The following BBOX1 variants were observed in gnomAD, a reference collection of about 807,000 sequenced individuals.
The protein encoded by BBOX1 is gamma-butyrobetaine dioxygenase.
In BBOX1, 35 loss-of-function variants were observed where a neutral mutation model predicts 41.6. The observed-to-expected ratio is 0.84, with a 90% CI of 0.64 to 1.11. The LOEUF (loss-of-function observed/expected upper bound fraction) is 1.11. Among genes scored for constraint, BBOX1 ranks in the 50% most tolerant of loss-of-function variants. The pLI, the probability that BBOX1 is intolerant of heterozygous loss-of-function variation, is 0.00. For synonymous variants in BBOX1, 163 were observed against 154.7 expected, an observed-to-expected ratio of 1.05 and a Z score of -0.40; for missense variants, 458 against 460.6, an observed-to-expected ratio of 0.99 and a Z score of 0.05.
chr11:27,125,540 A>G (rs984275037), intron 7 of BBOX1, 114 bp from the exon 8 acceptor site: 16 of 896,072 alleles, frequency 1.8e-5, no homozygotes, highest in East Asian at 2.7e-5. Flanking sequence ...CTGTACATGT[A>G]TTTGGATTTT....
intron 4 of BBOX1, among the ~76,000 whole-genome samples, chr11:27,089,452 T>C (rs888735254): frequency 1.3e-5 from 2 of 152,018 alleles, no homozygotes; most frequent in African/African-American, 2.4e-5. Flanking sequence ...ACAGCTGTAG[T>C]AAAGGCAACA....
intron 3 of BBOX1, among the ~76,000 whole-genome samples, chr11:27,056,114 A>G (rs1383102361): frequency 6.6e-6 from 1 of 152,192 alleles, no homozygotes; most frequent in Non-Finnish European, 1.5e-5. Flanking sequence ...TCTCACCTGA[A>G]AAAAATGAGA....
chr11:27,119,825 AT>A lies in BBOX1; in HGVS notation c.817del (p.Ser273GlnfsTer6). 6.5e-7 allele frequency: 1 copy of A among 1,528,092 alleles called. No homozygotes were observed. The highest frequency in any genetic ancestry group is 8.8e-7 in the Non-Finnish European group (1 of 1,138,884). 94.7% of individuals were successfully genotyped at this position (1,528,092 alleles called of 1,614,324 possible). A position where few individuals can be genotyped will look rare whatever the true frequency, so the allele number is the denominator to read the frequency against. On this transcript the variant is annotated frameshift_variant, in exon 7 of 9. Coordinates refer to ENST00000263182, the MANE Select transcript of BBOX1 (RefSeq NM_003986.3). LOFTEE classifies it high-confidence loss of function. ...TGGATTACTGTGATTTTTCTGTACA[AT>A]CAAAACATAAAATTATAGAGTAAGT... is the stretch of plus-strand genomic sequence containing the variant. ...GVDYCDFSVQ[S>X]KHKIIELDDK...
intron 5 of BBOX1, among the ~76,000 whole-genome samples, chr11:27,105,343 GA>G (rs1158499235): frequency 6.6e-6 from 1 of 152,026 alleles, no homozygotes; most frequent in Non-Finnish European, 1.5e-5. Context: ...TAAAAACCTT[GA>G]AAAAAGATTA....
chr11:27,120,614 T>C (rs572210775), intron 7 of BBOX1, among the ~76,000 whole-genome samples: 50 of 152,150 alleles, frequency 3.3e-4, no homozygotes, highest in Non-Finnish European at 6.6e-4. Context: ...TTATAATTTT[T>C]CCAAGTACCT....
chr11:27,058,980 T>G (rs1584011), intron 4 of BBOX1, among the ~76,000 whole-genome samples: 49,589 of 152,068 alleles, frequency 0.33, 8,257 homozygotes, highest in East Asian at 0.45. Context: ...TATTTGTATA[T>G]AAGAAGAAGC....
intron 4 of BBOX1, among the ~76,000 whole-genome samples, chr11:27,073,447 C>G (rs1857525372): frequency 6.6e-6 from 1 of 150,400 alleles, no homozygotes; most frequent in Non-Finnish European, 1.5e-5. Context: ...AACAGGAACA[C>G]TTTTACACTG....
At chr11:27,105,691 C>T (rs574470218) in intron 5 of BBOX1, among the ~76,000 whole-genome samples, 1 of 152,178 alleles carries the variant, frequency 6.6e-6, no homozygotes, top group East Asian at 1.9e-4. Flanking sequence ...AGGAGAACTT[C>T]CCCAATCTAG....
At chr11:27,104,675 T>C (rs1351386532) in intron 5 of BBOX1, among the ~76,000 whole-genome samples, 1 of 152,128 alleles carries the variant, frequency 6.6e-6, no homozygotes, top group African/African-American at 2.4e-5. Flanking sequence ...AAAAATGGCA[T>C]GAGAACAAAA....
intron 4 of BBOX1, among the ~76,000 whole-genome samples, chr11:27,069,761 G>A (rs1857388120): frequency 6.6e-6 from 1 of 151,976 alleles, no homozygotes; most frequent in South Asian, 2.1e-4. Context: ...TTGGCTGATG[G>A]TTTGTTATAT....
At chr11:27,057,789 T>A (rs1857029794) in intron 4 of BBOX1, among the ~76,000 whole-genome samples, 1 of 47,570 alleles carries the variant, frequency 2.1e-5, no homozygotes, top group African/African-American at 7.7e-5. Context: ...CCAGTGAGTG[T>A]GGGACAATTT....
intron 5 of BBOX1, among the ~76,000 whole-genome samples, chr11:27,115,154 A>T (rs563885043): frequency 1.7e-4 from 26 of 152,036 alleles, no homozygotes; most frequent in Non-Finnish European, 2.9e-4. Context: ...ATCACTTTTT[A>T]AAATGCATTA....
At chr11:27,049,487 C>A (rs1416348581) in intron 2 of BBOX1, among the ~76,000 whole-genome samples, 8 of 152,100 alleles carry the variant, frequency 5.3e-5, no homozygotes, top group African/African-American at 1.7e-4. Flanking sequence ...TGAGTTCAAG[C>A]AATCCTCCTA....
intron 5 of BBOX1, among the ~76,000 whole-genome samples, chr11:27,094,604 T>C (rs1858371447): frequency 6.6e-6 from 1 of 151,940 alleles, no homozygotes; most frequent in South Asian, 2.1e-4. Context: ...AGACTCACTC[T>C]CCAGTTTGCC....
intron 5 of BBOX1, among the ~76,000 whole-genome samples, chr11:27,099,147 G>A (rs1384473055): frequency 6.6e-6 from 1 of 151,712 alleles, no homozygotes; most frequent in African/African-American, 2.4e-5. Flanking sequence ...TAACCTCATG[G>A]GAAACTCAGA....
intron 5 of BBOX1, among the ~76,000 whole-genome samples, chr11:27,093,798 C>T (rs551605247): frequency 1.3e-5 from 2 of 152,084 alleles, no homozygotes; most frequent in East Asian, 1.9e-4. Context: ...CATAGCCTTT[C>T]TTCTGTGCAT....
At chr11:27,078,190 T>C (rs1418337350) in intron 4 of BBOX1, among the ~76,000 whole-genome samples, 1 of 152,124 alleles carries the variant, frequency 6.6e-6, no homozygotes. Flanking sequence ...CCACCCTATA[T>C]TTATGTTTAT....
chr11:27,109,558 C>G (rs1313973434), intron 5 of BBOX1, among the ~76,000 whole-genome samples: 1 of 151,390 alleles, frequency 6.6e-6, no homozygotes. Context: ...AAAAAACTGA[C>G]AGAAAAAAGA....
intron 4 of BBOX1, among the ~76,000 whole-genome samples, chr11:27,076,815 C>G (rs1326801363): frequency 2.6e-5 from 4 of 152,136 alleles, no homozygotes; most frequent in Admixed American, 1.3e-4. Context: ...GCACAGCTGT[C>G]TCTGCTGCAC....
Sources: gnomAD v4.1 joint callset for allele counts (sites outside exome capture counted in the v4.1 genomes callset) on GRCh38, gnomAD v4.1.1 for gene constraint, MANE v1.5 for transcripts, NCBI Gene and HGNC (gene_info 2026-07-23, HGNC 2026-07-21) for gene names.